The following ZNF225 variants were observed in gnomAD, a reference collection of about 807,000 sequenced individuals.
ZNF225 encodes the protein zinc finger protein 225.
A neutral mutation model predicts 12.0 loss-of-function variants in ZNF225; 6 were observed. That is an observed-to-expected ratio of 0.50 (90% CI 0.27 to 0.98). The LOEUF (loss-of-function observed/expected upper bound fraction) is 0.98. Among genes scored for constraint, ZNF225 ranks in the 50% least tolerant of loss-of-function variants. The pLI is 0.11. For synonymous variants in ZNF225, 271 were observed against 283.2 expected (o/e 0.96, Z 0.43); for missense variants, 763 against 848.2 (o/e 0.90, Z 1.25).
chr19:44,114,281 C>A, intron 1 of ZNF225: 1 of 661,496 alleles, frequency 1.5e-6, no homozygotes, highest in Non-Finnish European at 2.7e-6. Flanking sequence ...TAGGATGTGT[C>A]TTCGGGCATG....
intron 4 of ZNF225, chr19:44,130,505 T>A (rs897702629): frequency 5.8e-6 from 1 of 173,446 alleles, no homozygotes; most frequent in Admixed American, 5.8e-5. Context: ...GAGACCATCC[T>A]GGCTAACACA....
intron 1 of ZNF225, among the ~76,000 whole-genome samples, chr19:44,113,896 G>A (rs1470485136): frequency 6.6e-6 from 1 of 152,196 alleles, no homozygotes; most frequent in East Asian, 1.9e-4. Flanking sequence ...AGCAGCCCCT[G>A]TCACTTGGTG....
chr19:44,114,072 C>G, intron 1 of ZNF225: 1 of 431,754 alleles, frequency 2.3e-6, no homozygotes, highest in Non-Finnish European at 4.2e-6. Flanking sequence ...GCATCCACTT[C>G]CAGGAGGGGA....
Position 44,131,850 on chromosome 19 carries a change from T to C in ZNF225, c.1236T>C (p.Asn412=). The change falls in exon 5 of 5, where the codon AAT becomes AAC. Residue 412 remains asparagine (N), a synonymous_variant. Coordinates refer to ENST00000262894, the MANE Select transcript of ZNF225 (RefSeq NM_013362.4). ...AATGTGGGAAGGGATTTTATACAAA[T>C]TCACAACGTTATTCTCACCAGAGAG... The part of the protein sequence containing the change: ...CEECGKGFYT[N]SQRYSHQRAH... 6.2e-7 allele frequency: 1 copy of C among 1,613,992 alleles called. No homozygotes were observed. The highest frequency in any genetic ancestry group is 8.5e-7 in the Non-Finnish European group (1 of 1,179,966).
At chr19:44,126,606 G>A (rs1033949456) in intron 4 of ZNF225, among the ~76,000 whole-genome samples, 63 of 152,238 alleles carry the variant, frequency 4.1e-4, no homozygotes, top group Admixed American at 3.3e-3. Flanking sequence ...GAACTCCCAA[G>A]ATTATATGCC....
At chr19:44,116,727 T>C (rs1967949428) in intron 2 of ZNF225, among the ~76,000 whole-genome samples, 1 of 152,154 alleles carries the variant, frequency 6.6e-6, no homozygotes, top group African/African-American at 2.4e-5. Flanking sequence ...TTATTTATAA[T>C]CAAATAAGTG....
chr19:44,126,663 G>A (rs564485865), intron 4 of ZNF225, among the ~76,000 whole-genome samples: 2 of 152,246 alleles, frequency 1.3e-5, no homozygotes, highest in African/African-American at 2.4e-5. Flanking sequence ...CATCAGGGAG[G>A]GGGAGGGCTA....
At chr19:44,129,040 A>G (rs1385268245) in intron 4 of ZNF225, 2 of 1,231,220 alleles carry the variant, frequency 1.6e-6, no homozygotes, top group Non-Finnish European at 2.0e-6. Context: ...TATTTCTGTC[A>G]GGTCCAGCCT....
rs1031298277 is a variant in ZNF225, at chr19:44,118,491, C to A, written c.152C>A (p.Ser51Ter). The A allele has an allele frequency of 6.2e-7, 1 of 1,613,496 alleles. No individual in the cohort carries two copies. Among genetic ancestry groups the A allele is most frequent in the African/African-American group, 1.3e-5 (1 of 74,908 alleles). Residue 51 changes from serine (S) to a stop codon, truncating the protein, a stop_gained, in exon 4 of 5, where the codon TCA becomes TAA. Transcript: ENST00000262894. LOFTEE classifies it high-confidence loss of function. ...FRNLLSVGHQ[S>*]LHRDTFHFLK... Reference sequence around the variant, plus strand: ...CTTTTCACGTTCACAGGGCATCAATCACTCCACAGAGATACTTTCCACTTC... The same window carrying A: ...CTTTTCACGTTCACAGGGCATCAATAACTCCACAGAGATACTTTCCACTTC...
In ZNF225 at chr19:44,115,745, C is replaced by T. The variant is rs1295531458; in HGVS notation, c.-68-15C>T. On this transcript the variant is annotated splice_polypyrimidine_tract_variant and intron_variant, in intron 1 of 4. Transcript: ENST00000262894. ...CTTTCATGTCTCTTTTTCTGCCTTC[C>T]CTGGTACTTTCCAGGCAGGATTCTG... The T allele has an allele frequency of 7.1e-7, 1 of 1,414,592 alleles. No homozygotes were observed. The highest frequency in any genetic ancestry group is 1.3e-5 in the South Asian group (1 of 76,660). 87.6% of individuals were successfully genotyped at this position (1,414,592 alleles called of 1,614,324 possible).
intron 2 of ZNF225, among the ~76,000 whole-genome samples, chr19:44,116,564 A>T (rs1195456165): frequency 6.6e-6 from 1 of 152,246 alleles, no homozygotes; most frequent in Non-Finnish European, 1.5e-5. Context: ...AATATTCACT[A>T]CTTGTATATT....
chr19:44,113,339 G>T (rs8111562), upstream of ZNF225: 25,587 of 151,820 alleles, frequency 0.17, 4,190 homozygotes, highest in African/African-American at 0.42. Flanking sequence ...TAGTCCAGAC[G>T]CTCGGGGTCG....
intron 1 of ZNF225, chr19:44,114,269 T>C: frequency 1.4e-6 from 1 of 740,318 alleles, no homozygotes; most frequent in Non-Finnish European, 2.4e-6. Context: ...ACCGAGAGTG[T>C]ATAGGATGTG....
intron 1 of ZNF225, chr19:44,114,226 T>C: frequency 1.0e-6 from 1 of 1,003,706 alleles, no homozygotes; most frequent in Non-Finnish European, 1.6e-6. Context: ...GAGTGATCCT[T>C]GGCTTTTTTC....
At chr19:44,125,647 T>A (rs1035233763) in intron 4 of ZNF225, among the ~76,000 whole-genome samples, 4 of 152,230 alleles carry the variant, frequency 2.6e-5, no homozygotes, top group Non-Finnish European at 5.9e-5. Context: ...CTTTTAGAAT[T>A]CTCTTCTTCC....
chr19:44,115,384 A>G (rs977000300), intron 1 of ZNF225, among the ~76,000 whole-genome samples: 6 of 152,156 alleles, frequency 3.9e-5, no homozygotes, highest in Admixed American at 6.5e-5. Context: ...TGCAGAGACC[A>G]CCTATCTACT....
At chr19:44,114,262 G>A in intron 1 of ZNF225, 2 of 796,836 alleles carry the variant, frequency 2.5e-6, no homozygotes, top group Non-Finnish European at 4.4e-6. Context: ...CACCCCAACC[G>A]AGAGTGTATA....
Position 44,132,837 on chromosome 19 carries a change from T to G in ZNF225, c.*102T>G. ...TAACATACCTATCACCTCAAACATT[T>G]ATCATTTATTTATGTTGGGAACCCT... On this transcript the variant is annotated 3_prime_UTR_variant, in exon 5 of 5. Coordinates refer to ENST00000262894, the MANE Select transcript of ZNF225 (RefSeq NM_013362.4). 1 of 1,047,712 alleles carries G rather than the reference T, an allele frequency of 9.5e-7. No homozygotes were observed. Among genetic ancestry groups the G allele is most frequent in the Non-Finnish European group, 1.3e-6 (1 of 744,578 alleles). 64.9% of individuals were successfully genotyped at this position (1,047,712 alleles called of 1,614,324 possible).
upstream of ZNF225, among the ~76,000 whole-genome samples, chr19:44,111,798 T>A (rs79959853): frequency 0.14 from 21,691 of 152,160 alleles, 2,746 homozygotes; most frequent in African/African-American, 0.32. Context: ...AGTGATTGCT[T>A]AGTGGGCATG....
Sources: allele counts gnomAD v4.1 joint callset (sites outside exome capture counted in the v4.1 genomes callset), GRCh38; gene constraint gnomAD v4.1.1; transcripts MANE v1.5; gene names NCBI Gene and HGNC (gene_info 2026-07-23, HGNC 2026-07-21).